Variants in EFHC2 observed in about 807,000 individuals in gnomAD.
The protein encoded by EFHC2 is EF-hand domain containing 2.
Under a neutral mutation model 52.7 loss-of-function variants are expected in EFHC2, and 18 were observed. That is an observed-to-expected ratio of 0.34 (90% confidence interval 0.24 to 0.51). The LOEUF is 0.51. Ranked by LOEUF, EFHC2 falls within the 20% of genes least tolerant of loss-of-function variation. EFHC2 has a pLI of 0.97. For synonymous variants in EFHC2, 203 were observed against 204.1 expected (o/e 0.99, Z 0.04); for missense variants, 513 against 562.5 (o/e 0.91, Z 0.89).
intron 2 of EFHC2, among the ~76,000 whole-genome samples, chrX:44,297,929 C>A (rs1602204464): frequency 2.3e-5 from 2 of 85,171 alleles, no homozygotes; most frequent in South Asian, 5.4e-4. Context: ...GACAGAAGTC[C>A]AATAAAAGAG....
At chrX:44,266,952 A>G (rs2037582769) in intron 3 of EFHC2, among the ~76,000 whole-genome samples, 2 of 111,781 alleles carry the variant, frequency 1.8e-5, no homozygotes, top group South Asian at 3.8e-4. Context: ...CATTAGTGGA[A>G]ATCAGTGTTC....
At chrX:44,254,027 C>A (rs1266432123) in intron 4 of EFHC2, among the ~76,000 whole-genome samples, 1 of 112,273 alleles carries the variant, frequency 8.9e-6, no homozygotes, top group Admixed American at 9.4e-5. Flanking sequence ...AGCAGAGAAG[C>A]CTGACTATTA....
chrX:44,259,933 G>A lies in EFHC2; in HGVS notation c.606+1142C>T, dbSNP rs557373711. Among the ~76,000 whole-genome samples, 9 of 111,701 alleles carry A rather than the reference G, an allele frequency of 8.1e-5. No individual in the cohort carries two copies. The South Asian group carries it at 3.0e-3, about 37-fold the overall frequency. On this transcript the variant is annotated intron_variant, in intron 4 of 14. Coordinates refer to ENST00000420999, the MANE Select transcript of EFHC2 (RefSeq NM_025184.4). Reference sequence around the variant, plus strand: ...TTAAAGAATAATTCTGCTGGGGCTGGGAGGCAGGAATAGATGAATGATCCT... The same window carrying A: ...TTAAAGAATAATTCTGCTGGGGCTGAGAGGCAGGAATAGATGAATGATCCT...
chrX:44,292,962 T>C (rs2037802898), intron 2 of EFHC2, among the ~76,000 whole-genome samples: 2 of 106,051 alleles, frequency 1.9e-5, no homozygotes, highest in African/African-American at 7.0e-5. Context: ...CAGGTATTTC[T>C]TTTCCTTTCT....
intron 11 of EFHC2, among the ~76,000 whole-genome samples, chrX:44,189,572 A>G (rs1167308768): frequency 8.9e-6 from 1 of 112,054 alleles, no homozygotes; most frequent in African/African-American, 3.2e-5. Context: ...GTTGAGCAAG[A>G]CAGCAATATG....
chrX:44,343,544 C>T lies in EFHC2; in HGVS notation c.42+3G>A, dbSNP rs777288367. 1.7e-6 allele frequency: 2 copies of T among 1,195,398 alleles called. No homozygotes were observed. Among genetic ancestry groups the T allele is most frequent in the African/African-American group, 1.7e-5 (1 of 57,529 alleles). ...TGTGACCTCGGACGCCCTTCCTACT[C>T]ACGTTGCGGTTGAAGCTGTTGCCCG... On this transcript the variant is annotated splice_donor_region_variant and intron_variant, in intron 1 of 14. Transcript: ENST00000420999.
chrX:44,338,426 G>A (rs570766552), intron 1 of EFHC2, among the ~76,000 whole-genome samples: 10 of 110,193 alleles, frequency 9.1e-5, no homozygotes, highest in East Asian at 8.6e-4. Context: ...TCTTGAGCCC[G>A]AGAGGTTGAG....
Position 44,261,184 on chromosome X carries a change from T to G in EFHC2, c.497A>C (p.Lys166Thr), listed in dbSNP as rs769697566. Residue 166 changes from lysine (K) to threonine (T), a missense_variant, in exon 4 of 15, where the codon AAG becomes ACG. Coordinates refer to ENST00000420999, the MANE Select transcript of EFHC2 (RefSeq NM_025184.4). Reference protein sequence around the residue: ...TEVVFYGRTFKIYDCDAFTRN... With the variant: ...TEVVFYGRTFTIYDCDAFTRN... The stretch of plus-strand genomic sequence containing the variant: ...TGTGAATGCATCACAGTCATAAATC[T>G]TGAATGTCCGGCCATAGAAGACAAC... The G allele has an allele frequency of 6.9e-5, 83 of 1,209,863 alleles. No homozygotes were observed. The highest frequency in any genetic ancestry group is 8.4e-5 in the Non-Finnish European group (75 of 895,021).
intron 13 of EFHC2, among the ~76,000 whole-genome samples, chrX:44,165,319 G>A (rs2036688262): frequency 1.8e-5 from 2 of 111,768 alleles, no homozygotes; most frequent in Middle Eastern, 4.7e-3. Context: ...ACCAGAAGAG[G>A]GGAAAGGGGA....
At chrX:44,266,976 A>G (rs1214192713) in intron 3 of EFHC2, among the ~76,000 whole-genome samples, 1 of 111,954 alleles carries the variant, frequency 8.9e-6, no homozygotes, top group Non-Finnish European at 1.9e-5. Flanking sequence ...ACCAAGATGC[A>G]CTAAGAATCA....
At chrX:44,307,706 G>A (rs2037915736) in intron 2 of EFHC2, among the ~76,000 whole-genome samples, 1 of 111,270 alleles carries the variant, frequency 9.0e-6, no homozygotes, top group African/African-American at 3.3e-5. Flanking sequence ...GGCTGAGGTG[G>A]GTGGATCACC....
At position 44,152,725 on chromosome X, in the gene EFHC2, TACACACAC is replaced by T. The variant is rs3037406; in HGVS notation, c.2149-3837_2149-3830del. On this transcript the variant is annotated intron_variant, in intron 14 of 14. Coordinates refer to ENST00000420999, the MANE Select transcript of EFHC2 (RefSeq NM_025184.4). The stretch of plus-strand genomic sequence containing the variant: ...CTTACACCAAAAAGTAGTAAACCAT[TACACACAC>T]ACACACACACACACACACACACAAA... Among the ~76,000 whole-genome samples the T allele has an allele frequency of 6.4e-3, 639 of 99,407 alleles. 5 individuals carry two copies. The highest frequency in any genetic ancestry group is 0.022 in the African/African-American group (597 of 27,105). 86.3% of individuals were successfully genotyped at this position (99,407 alleles called of 115,157 possible).
rs183621228 is a variant in EFHC2 at position 44,261,780 on chromosome X, T to G, written c.383-482A>C. On this transcript the variant is annotated intron_variant, in intron 3 of 14. Transcript: ENST00000420999. ...AAAAAAAAAAAAAAAAAAAAAAAGC[T>G]AGTAAGCTTTGGAATGATAGGTGCC... Among the ~76,000 whole-genome samples, 116 of 97,765 alleles carry G rather than the reference T, an allele frequency of 1.2e-3. No homozygotes were observed. The South Asian group carries it at 0.017, about 15-fold the overall frequency. The allele number at this position is 97,765 out of a possible 115,157, so 84.9% of individuals were successfully genotyped here. A position where few individuals can be genotyped will look rare whatever the true frequency, so the allele number is the denominator to read the frequency against.
intron 2 of EFHC2, chrX:44,285,433 G>A (rs1341357715): frequency 8.9e-6 from 1 of 112,293 alleles, no homozygotes; most frequent in African/African-American, 3.2e-5. Flanking sequence ...GGCAGCCAGA[G>A]CAACCGGGTT....
chrX:44,253,523 G>A (rs1377174258), intron 4 of EFHC2, among the ~76,000 whole-genome samples: 1 of 111,523 alleles, frequency 9.0e-6, no homozygotes, highest in Non-Finnish European at 1.9e-5. Context: ...GTAACTGGGC[G>A]GAGTCCACCA....
intron 13 of EFHC2, 102 bp downstream of exon 13, chrX:44,176,190 A>G: frequency 1.6e-6 from 1 of 629,230 alleles, no homozygotes; most frequent in Admixed American, 3.6e-5. Flanking sequence ...AAAACAGTTA[A>G]GGGTAAATCA....
rs755368618 is a variant in EFHC2 at position 44,232,573 on chromosome X, T to C, written c.1528A>G (p.Ile510Val). Reference protein sequence around the residue: ...SEYIKAEELYIGVTVNVNGYL... With the variant: ...SEYIKAEELYVGVTVNVNGYL... ...CCATTCACATTCACCGTGACTCCAATGTACAGCTCCTCGGCCTTGATATAT... is the reference window on the plus strand; with the variant it reads ...CCATTCACATTCACCGTGACTCCAACGTACAGCTCCTCGGCCTTGATATAT... The change falls in exon 10 of 15, where the codon ATT (isoleucine) becomes GTT (valine). Residue 510 changes from isoleucine (I) to valine (V), a missense_variant. Transcript: ENST00000420999. 3.7e-5 allele frequency: 44 copies of C among 1,194,852 alleles called. No homozygotes were observed. Among genetic ancestry groups the C allele is most frequent in the Non-Finnish European group, 3.9e-5 (35 of 886,479 alleles).
intron 1 of EFHC2, among the ~76,000 whole-genome samples, chrX:44,318,783 C>T (rs2037998192): frequency 9.0e-6 from 1 of 111,255 alleles, no homozygotes; most frequent in African/African-American, 3.3e-5. Flanking sequence ...TGTCCCCTCA[C>T]CATCTAACAT....
At chrX:44,295,550 T>G (rs1323150875) in intron 2 of EFHC2, among the ~76,000 whole-genome samples, 1 of 111,085 alleles carries the variant, frequency 9.0e-6, no homozygotes, top group African/African-American at 3.3e-5. Context: ...AGTCTAAACA[T>G]TTTAGAAAGT....
Sources: gnomAD v4.1 joint callset for allele counts (sites outside exome capture counted in the v4.1 genomes callset) on GRCh38, gnomAD v4.1.1 for gene constraint, MANE v1.5 for transcripts, NCBI Gene and HGNC (gene_info 2026-07-23, HGNC 2026-07-21) for gene names.